CHFR: variants seen among roughly 807,000 people sequenced by gnomAD.
CHFR encodes the protein E3 ubiquitin-protein ligase CHFR.
Under a neutral mutation model 87.6 loss-of-function variants are expected in CHFR, and 57 were observed. The ratio of observed to expected loss-of-function variants is 0.65; its 90% CI spans 0.53 to 0.81. The LOEUF is 0.81. Ranked by LOEUF, CHFR falls within the 30% of genes least tolerant of loss-of-function variation. CHFR has a pLI of 0.00. For missense variants in CHFR, 797 were observed against 865.8 expected (o/e 0.92, Z 1.00); for synonymous variants, 381 against 359.2 (o/e 1.06, Z -0.69).
At position 132,876,627 on chromosome 12, in the gene CHFR, T is replaced by C. The variant is rs564308919; in HGVS notation, c.233+928A>G. On this transcript the variant is annotated intron_variant, in intron 3 of 17. Coordinates refer to ENST00000450056, the MANE Select transcript of CHFR (RefSeq NM_001161346.2). ...GAATAGGCTTGCAAGAACCAAAAAT[T>C]ACCAGCATCTTTTAAGTCTTATTTC... Among the ~76,000 whole-genome samples the C allele has an allele frequency of 4.6e-5, 7 of 152,282 alleles. No homozygotes were observed. The East Asian group carries it at 9.6e-4, about 21-fold the overall frequency.
At position 132,856,470 on chromosome 12, in the gene CHFR, A is replaced by C. The variant is rs754958760; in HGVS notation, c.1227T>G (p.Ile409Met). The change falls in exon 10 of 18, where the codon ATT becomes ATG. Residue 409 changes from isoleucine to methionine, a missense_variant and splice_region_variant. Around this residue, in one of 2 missense-constraint regions of CHFR, gnomAD observed 597 missense variants for 601.2 expected, o/e 0.99. Coordinates refer to ENST00000450056, the MANE Select transcript of CHFR (RefSeq NM_001161346.2). ...TCTGAGCCAGGGGCATGATTTACCT[A>C]ATGTCTGAGGACTCACTGTCAACGT... ...LSDVDSESSD[I>M]SQPYVVCRQC... 3.1e-6 allele frequency: 5 copies of C among 1,613,922 alleles called. No homozygotes were observed. In the Admixed American group the frequency reaches 6.7e-5, roughly 22 times the overall value.
intron 3 of CHFR, among the ~76,000 whole-genome samples, chr12:132,876,966 T>A (rs1013283614): frequency 2.0e-5 from 3 of 152,110 alleles, no homozygotes; most frequent in Non-Finnish European, 2.9e-5. Flanking sequence ...GGCTAATTTT[T>A]ATATTTTTAA....
chr12:132,877,948 G>A (rs1235152466), intron 2 of CHFR, among the ~76,000 whole-genome samples: 2 of 152,190 alleles, frequency 1.3e-5, no homozygotes, highest in Non-Finnish European at 2.9e-5. Flanking sequence ...GACTGCAGGC[G>A]CCCGCCATCA....
rs1302248351 is a variant in CHFR, at chr12:132,848,649, G to A, written c.1568C>T (p.Pro523Leu). 4.4e-6 allele frequency: 7 copies of A among 1,592,022 alleles called. No individual in the cohort carries two copies. The highest frequency in any genetic ancestry group is 1.8e-5 in the Admixed American group (1 of 56,964). The change falls in exon 13 of 18, where the codon CCG becomes CTG. Residue 523 changes from proline (P) to leucine (L), a missense_variant. Around this residue, in one of 2 missense-constraint regions of CHFR, gnomAD observed 200 missense variants for 264.6 expected, o/e 0.76. Coordinates refer to ENST00000450056, the MANE Select transcript of CHFR (RefSeq NM_001161346.2). The stretch of plus-strand genomic sequence containing the variant: ...TGAAGAGCCAGTATTACCACAAAAC[G>A]GGGCCAGGCAGCCGTAGCAGCCGGT... ...TRTGCYGCLA[P>L]FCELNLGDKC...
intron 7 of CHFR, among the ~76,000 whole-genome samples, chr12:132,860,673 C>T (rs1298023940): frequency 1.3e-5 from 2 of 152,246 alleles, no homozygotes; most frequent in Admixed American, 6.5e-5. Context: ...GTGCAGACTT[C>T]TCCCTAAATC....
chr12:132,851,802 A>G, intron 11 of CHFR, 65 bp from the exon 12 acceptor site: 3 of 1,546,868 alleles, frequency 1.9e-6, no homozygotes, highest in Non-Finnish European at 2.6e-6. Flanking sequence ...CAGGTTAGAG[A>G]GGCCGCCGGG....
chr12:132,855,845 T>C (rs1209341774), intron 10 of CHFR, among the ~76,000 whole-genome samples: 1 of 143,722 alleles, frequency 7.0e-6, no homozygotes, highest in Non-Finnish European at 1.6e-5. Context: ...AAGATAAAAG[T>C]TTCAAGTGTT....
intron 3 of CHFR, among the ~76,000 whole-genome samples, chr12:132,873,524 T>C (rs1951541869): frequency 6.6e-6 from 1 of 152,176 alleles, no homozygotes; most frequent in South Asian, 2.1e-4. Context: ...TGACTTTCTG[T>C]GTCCTCCTGC....
chr12:132,859,311 AG>A, intron 7 of CHFR, 84 bp from the exon 8 acceptor site: 1 of 1,325,874 alleles, frequency 7.5e-7, no homozygotes, highest in Non-Finnish European at 1.1e-6. Flanking sequence ...CACAGGAGAA[AG>A]GGATGTGTTC....
chr12:132,870,268 C>T (rs923117368), intron 5 of CHFR, among the ~76,000 whole-genome samples: 23 of 152,194 alleles, frequency 1.5e-4, no homozygotes, highest in African/African-American at 5.5e-4. Context: ...AGGAGAATGG[C>T]ATGAACCCGG....
chr12:132,850,175 G>A (rs1349272287), intron 12 of CHFR, among the ~76,000 whole-genome samples: 1 of 151,928 alleles, frequency 6.6e-6, no homozygotes, highest in African/African-American at 2.4e-5. Flanking sequence ...GGATGGTCTT[G>A]ATCTTCTAAC....
rs1258321216 is a variant in CHFR at position 132,841,181 on chromosome 12, C to T, written c.*373G>A. On this transcript the variant is annotated 3_prime_UTR_variant, in exon 18 of 18. Transcript: ENST00000450056. ...AAACAATGTTTTTGATAAACTTGCCCTTCTCCCTTGAAACTTTTCCTAAAA... is the reference window on the plus strand; with the variant it reads ...AAACAATGTTTTTGATAAACTTGCCTTTCTCCCTTGAAACTTTTCCTAAAA... The T allele has an allele frequency of 1.5e-5, 3 of 198,694 alleles. No individual in the cohort carries two copies. The highest frequency in any genetic ancestry group is 3.1e-5 in the Non-Finnish European group (3 of 97,300). 12.3% of individuals were successfully genotyped at this position (198,694 alleles called of 1,614,324 possible). A position where few individuals can be genotyped will look rare whatever the true frequency, so the allele number is the denominator to read the frequency against.
At chr12:132,856,834 T>G in intron 9 of CHFR, 1 of 695,354 alleles carries the variant, frequency 1.4e-6, no homozygotes, top group East Asian at 2.6e-5. Flanking sequence ...CGGGTGCTGG[T>G]GGAGGGACCG....
chr12:132,870,396 A>G (rs977245122), intron 5 of CHFR, among the ~76,000 whole-genome samples: 2 of 140,962 alleles, frequency 1.4e-5, no homozygotes, highest in Non-Finnish European at 3.1e-5. Context: ...GCCAGGCGTG[A>G]CGGTGCAACC....
In CHFR at chr12:132,851,696, G is replaced by A; in HGVS notation, c.1414C>T (p.Leu472=). Residue 472 remains leucine, a synonymous_variant, in exon 12 of 18, where the codon CTG becomes TTG. Coordinates refer to ENST00000450056, the MANE Select transcript of CHFR (RefSeq NM_001161346.2). The part of the protein sequence containing the change: ...YVCPLQGSHA[L]CTCCFQPMPD... ...ATGGGCTGGAAGCAGCAGGTGCACAGGGCGTGGCTTCCTTGCAGAGGGCAC... is the reference window on the plus strand; with the variant it reads ...ATGGGCTGGAAGCAGCAGGTGCACAAGGCGTGGCTTCCTTGCAGAGGGCAC... The A allele has an allele frequency of 6.2e-7, 1 of 1,613,474 alleles. No homozygotes were observed. The highest frequency in any genetic ancestry group is 8.5e-7 in the Non-Finnish European group (1 of 1,179,942).
At chr12:132,870,858 T>C (rs1327446690) in intron 4 of CHFR, 75 bp from the exon 5 acceptor site, 1 of 844,568 alleles carries the variant, frequency 1.2e-6, no homozygotes, top group Non-Finnish European at 2.0e-6. Context: ...TCTTCTGTTC[T>C]CCAGTCCATT....
intron 6 of CHFR, 52 bp downstream of exon 6, chr12:132,869,567 G>C (rs1391118213): frequency 1.3e-6 from 2 of 1,507,666 alleles, no homozygotes; most frequent in Non-Finnish European, 1.8e-6. Flanking sequence ...GTAAAGAGTA[G>C]TGAACAAAAA....
rs534357480 is a variant in CHFR, at chr12:132,887,603, T to C, written c.-69A>G. 2.0e-5 allele frequency: 3 copies of C among 152,390 alleles called. No individual in the cohort carries two copies. The highest frequency in any genetic ancestry group is 6.5e-5 in the Admixed American group (1 of 15,296). 9.4% of individuals were successfully genotyped at this position (152,390 alleles called of 1,614,324 possible). A position where few individuals can be genotyped will look rare whatever the true frequency, so the allele number is the denominator to read the frequency against. On this transcript the variant is annotated 5_prime_UTR_variant, in exon 1 of 18. Transcript: ENST00000450056. ...CGCCGCCGCCGCTGTCAAGAGACAT[T>C]GCGGCTCCCTCAGCTGATCCGCGGG...
At position 132,838,417 on chromosome 12, in the gene CHFR, G is replaced by A. The variant is rs1020500401; in HGVS notation, c.*3137C>T. The stretch of plus-strand genomic sequence containing the variant: ...CAGAGAGGCCTCACTGGGGTGGACG[G>A]GTTCACCTAGAACCTGAGGCCCCCT... On this transcript the variant is annotated 3_prime_UTR_variant, in exon 18 of 18. Coordinates refer to ENST00000450056, the MANE Select transcript of CHFR (RefSeq NM_001161346.2). 4 of 152,442 alleles carry A rather than the reference G, an allele frequency of 2.6e-5. No homozygotes were observed. Among genetic ancestry groups the A allele is most frequent in the African/African-American group, 7.2e-5 (3 of 41,564 alleles). 9.4% of individuals were successfully genotyped at this position (152,442 alleles called of 1,614,324 possible).
Sources: gnomAD v4.1 joint callset for allele counts (sites outside exome capture counted in the v4.1 genomes callset) on GRCh38, gnomAD v4.1.1 for gene constraint, gnomAD v4.1.1 regional missense constraint, MANE v1.5 for transcripts, NCBI Gene and HGNC (gene_info 2026-07-23, HGNC 2026-07-21) for gene names.